Variants in IFT88 observed in about 807,000 individuals in gnomAD.
IFT88 encodes the protein intraflagellar transport protein 88 homolog.
Under a neutral mutation model 119.5 loss-of-function variants are expected in IFT88, and 74 were observed. The observed-to-expected ratio is 0.62, with a 90% CI of 0.51 to 0.75. The LOEUF is 0.75. Ranked by LOEUF, IFT88 falls within the 30% of genes least tolerant of loss-of-function variation. IFT88 has a pLI of 0.00. For missense variants in IFT88, 961 were observed against 977.7 expected, an observed-to-expected ratio of 0.98 and a Z score of 0.23; for synonymous variants, 279 against 316.7, an observed-to-expected ratio of 0.88 and a Z score of 1.26.
At chr13:20,577,956 A>G (rs1343744519) in intron 2 of IFT88, among the ~76,000 whole-genome samples, 3 of 151,214 alleles carry the variant, frequency 2.0e-5, no homozygotes, top group Non-Finnish European at 4.4e-5. Context: ...TGTCTGGTAA[A>G]ATTCAGCAGT....
At chr13:20,667,440 G>A (rs998968233) in intron 23 of IFT88, among the ~76,000 whole-genome samples, 13 of 152,140 alleles carry the variant, frequency 8.5e-5, no homozygotes, top group Admixed American at 8.5e-4. Context: ...GTGTGGGCAG[G>A]AATTCCCTGC....
intron 24 of IFT88, among the ~76,000 whole-genome samples, chr13:20,685,141 C>T (rs1339255662): frequency 2.0e-5 from 3 of 152,288 alleles, no homozygotes; most frequent in East Asian, 3.9e-4. Flanking sequence ...GCAATTTTAG[C>T]GAGGAGCAGA....
chr13:20,584,599 C>T (rs908164763), intron 3 of IFT88, among the ~76,000 whole-genome samples: 1 of 151,720 alleles, frequency 6.6e-6, no homozygotes, highest in Non-Finnish European at 1.5e-5. Flanking sequence ...TAGTTTTTTT[C>T]AGTATTAGTA....
At chr13:20,660,008 C>G (rs1344347725) in intron 22 of IFT88, among the ~76,000 whole-genome samples, 1 of 152,118 alleles carries the variant, frequency 6.6e-6, no homozygotes, top group East Asian at 1.9e-4. Flanking sequence ...CTATTCTGTT[C>G]CAGACGTTGT....
intron 14 of IFT88, among the ~76,000 whole-genome samples, chr13:20,622,558 T>G (rs896204991): frequency 6.6e-6 from 1 of 152,248 alleles, no homozygotes; most frequent in Non-Finnish European, 1.5e-5. Context: ...GTTGTTTTAA[T>G]TTGCAATTCC....
At chr13:20,569,804 G>A (rs542425943) in intron 1 of IFT88, among the ~76,000 whole-genome samples, 4 of 151,946 alleles carry the variant, frequency 2.6e-5, no homozygotes, top group African/African-American at 7.2e-5. Context: ...CGAGGTGGGC[G>A]GATCACAAGG....
At chr13:20,568,730 CTTTT>C (rs1239240227) in intron 1 of IFT88, among the ~76,000 whole-genome samples, 1 of 149,418 alleles carries the variant, frequency 6.7e-6, no homozygotes, top group Non-Finnish European at 1.5e-5. Flanking sequence ...CTTTTTTTTT[CTTTT>C]TGAGACGGAG....
chr13:20,596,273 G>A, intron 8 of IFT88, 33 bp downstream of exon 8: 1 of 1,012,322 alleles, frequency 9.9e-7, no homozygotes, highest in Non-Finnish European at 1.5e-6. Context: ...AAATTATGAA[G>A]CATTTATAGA....
intron 3 of IFT88, among the ~76,000 whole-genome samples, chr13:20,589,025 A>G (rs146228079): frequency 1.2e-4 from 18 of 152,264 alleles, no homozygotes; most frequent in African/African-American, 4.3e-4. Context: ...CTTTGGAATT[A>G]ACAGATGCCT....
chr13:20,608,875 G>A (rs569355584), intron 13 of IFT88, among the ~76,000 whole-genome samples: 16 of 152,272 alleles, frequency 1.1e-4, no homozygotes, highest in Non-Finnish European at 2.1e-4. Context: ...CAGAGGAAAG[G>A]GAAACTGCTC....
At position 20,601,792 on chromosome 13, in the gene IFT88, C is replaced by T. The variant is rs767485864; in HGVS notation, c.900C>T (p.Ser300=). 2 of 1,613,176 alleles carry T rather than the reference C, an allele frequency of 1.2e-6. No homozygotes were observed. Among genetic ancestry groups the T allele is most frequent in the African/African-American group, 1.3e-5 (1 of 74,900 alleles). Residue 300 remains serine (S), a synonymous_variant, in exon 12 of 26, where the codon AGC becomes AGT. Coordinates refer to ENST00000351808, the MANE Select transcript of IFT88 (RefSeq NM_006531.5). ...DAINSYEHIM[S]MAPNLKAGYN... ...TTAATTCATATGAGCACATAATGAG[C>T]ATGGCACCAAATCTGAAGGCAGGCT...
At chr13:20,579,956 T>C (rs1025087300) in intron 2 of IFT88, among the ~76,000 whole-genome samples, 6 of 152,220 alleles carry the variant, frequency 3.9e-5, no homozygotes, top group Admixed American at 6.5e-5. Flanking sequence ...CTCCCAATTA[T>C]AAAATTAAGA....
chr13:20,643,737 G>A, intron 19 of IFT88, 132 bp downstream of exon 19: 1 of 686,034 alleles, frequency 1.5e-6, no homozygotes. Flanking sequence ...AAGCATTCTT[G>A]GAAAATGAAG....
At chr13:20,569,237 A>T (rs1593586332) in intron 1 of IFT88, among the ~76,000 whole-genome samples, 1 of 139,376 alleles carries the variant, frequency 7.2e-6, no homozygotes, top group African/African-American at 2.5e-5. Flanking sequence ...TGATACCAAA[A>T]GTACGTGCAA....
chr13:20,678,322 G>A (rs55663006), intron 24 of IFT88, among the ~76,000 whole-genome samples: 34,128 of 152,162 alleles, frequency 0.22, 4,592 homozygotes, highest in African/African-American at 0.36. Context: ...ACAGAAATAG[G>A]GTGCAGAGTG....
In IFT88 at chr13:20,591,001, C is replaced by G. The variant is rs758439682; in HGVS notation, c.245C>G (p.Pro82Arg). The G allele has an allele frequency of 5.0e-6, 8 of 1,609,772 alleles. No homozygotes were observed. The highest frequency in any genetic ancestry group is 6.8e-6 in the Non-Finnish European group (8 of 1,177,374). The change falls in exon 5 of 26, where the codon CCA becomes CGA. Residue 82 changes from proline (P) to arginine (R), a missense_variant. Transcript: ENST00000351808. The stretch of plus-strand genomic sequence containing the variant: ...TCTCTGGCATCATCAATAGGAAGAC[C>G]AATGACAGGGGCTATTCAGGTATCT... ...KTSLASSIGR[P>R]MTGAIQDGVT...
At chr13:20,655,260 C>T (rs1415800549) in intron 21 of IFT88, among the ~76,000 whole-genome samples, 1 of 151,658 alleles carries the variant, frequency 6.6e-6, no homozygotes, top group Admixed American at 6.6e-5. Flanking sequence ...GGTGAAACCC[C>T]ATCTCTACTA....
At chr13:20,645,651 A>G (rs1412775462) in intron 20 of IFT88, among the ~76,000 whole-genome samples, 3 of 152,170 alleles carry the variant, frequency 2.0e-5, no homozygotes, top group African/African-American at 7.2e-5. Context: ...AATATATATG[A>G]AAAATTAAAA....
chr13:20,644,435 A>G (rs764264428), intron 19 of IFT88, among the ~76,000 whole-genome samples: 1 of 152,114 alleles, frequency 6.6e-6, no homozygotes, highest in African/African-American at 2.4e-5. Context: ...TGGGAGGCAG[A>G]GGTTGTAGTG....
Sources: allele counts gnomAD v4.1 joint callset (sites outside exome capture counted in the v4.1 genomes callset), GRCh38; gene constraint gnomAD v4.1.1; transcripts MANE v1.5; gene names NCBI Gene and HGNC (gene_info 2026-07-23, HGNC 2026-07-21).